SLC12A4: variants seen among roughly 807,000 people sequenced by gnomAD.
SLC12A4 encodes electroneutral potassium-chloride cotransporter 1.
In SLC12A4, 84 loss-of-function variants were observed where a neutral mutation model predicts 119.2. The observed-to-expected ratio is 0.70, with a 90% confidence interval of 0.59 to 0.85. The LOEUF is 0.85. Among genes scored for constraint, SLC12A4 ranks in the 40% least tolerant of loss-of-function variants. The pLI, the probability that SLC12A4 is intolerant of heterozygous loss-of-function variation, is 0.00. For missense variants in SLC12A4, 1,298 were observed against 1,476.3 expected (o/e 0.88, Z 1.98); for synonymous variants, 599 against 604.6 (o/e 0.99, Z 0.14).
intron 3 of SLC12A4, 37 bp downstream of exon 3, chr16:67,961,538 C>T: frequency 6.2e-7 from 1 of 1,605,682 alleles, no homozygotes; most frequent in South Asian, 1.1e-5. Flanking sequence ...TGTCTGTCTT[C>T]CCAGGTGTGG....
intron 2 of SLC12A4, 93 bp from the exon 3 acceptor site, chr16:67,961,799 C>A: frequency 6.5e-7 from 1 of 1,533,414 alleles, no homozygotes; most frequent in East Asian, 2.3e-5. Flanking sequence ...TGTTCCAAGC[C>A]CTGAGACAGG....
intron 1 of SLC12A4, chr16:67,966,745 T>C: frequency 6.4e-7 from 1 of 1,551,444 alleles, no homozygotes; most frequent in Non-Finnish European, 8.7e-7. Context: ...AGGATCAAAA[T>C]CACTCACCGG....
intron 1 of SLC12A4, chr16:67,964,041 C>A: frequency 6.4e-7 from 1 of 1,550,442 alleles, no homozygotes; most frequent in Non-Finnish European, 8.7e-7. Context: ...CCAAAGGTGG[C>A]CGGCTGGCTA....
Position 67,950,403 on chromosome 16 carries a change from C to A in SLC12A4, c.1545G>T (p.Thr515=). 3.7e-6 allele frequency: 6 copies of A among 1,614,004 alleles called. No individual in the cohort carries two copies. The highest frequency in any genetic ancestry group is 2.7e-5 in the African/African-American group (2 of 75,064). The change falls in exon 12 of 24, where the codon ACG becomes ACT. Residue 515 remains threonine, a synonymous_variant. Coordinates refer to ENST00000316341, the MANE Select transcript of SLC12A4 (RefSeq NM_005072.5). The surrounding 1 kb of genome is among the most constrained non-coding windows in gnomAD (Gnocchi z 4.3). Reference sequence around the variant, plus strand: ...TGAGGCTCTGGAGGCCAGCGCCACACGTTGAAAAGAAGGAGCCGATGACGA... The same window carrying A: ...TGAGGCTCTGGAGGCCAGCGCCACAAGTTGAAAAGAAGGAGCCGATGACGA... ...WVIVIGSFFS[T]CGAGLQSLTG... is the part of the protein sequence containing the mutation.
intron 5 of SLC12A4, 110 bp from the exon 6 acceptor site, chr16:67,954,883 G>C (rs1052049855): frequency 1.5e-6 from 2 of 1,369,450 alleles, no homozygotes; most frequent in Non-Finnish European, 1.0e-6. Flanking sequence ...TGCTTTTCCT[G>C]TTTGTGGATG....
At chr16:67,948,843 TG>T (rs543177403) in intron 13 of SLC12A4, among the ~76,000 whole-genome samples, 17 of 147,548 alleles carry the variant, frequency 1.2e-4, no homozygotes, top group African/African-American at 3.5e-4. Flanking sequence ...GGAAGGGGTG[TG>T]GGGGGGTGGA....
At chr16:67,952,488 T>C in intron 6 of SLC12A4, 63 bp from the exon 7 acceptor site, 1 of 1,595,348 alleles carries the variant, frequency 6.3e-7, no homozygotes, top group South Asian at 1.1e-5. Flanking sequence ...ACTTGTCGTT[T>C]TGGTTTTCTT....
Position 67,952,323 on chromosome 16 carries a change from T to A in SLC12A4, c.778A>T (p.Thr260Ser), listed in dbSNP as rs1289304206. The A allele has an allele frequency of 6.2e-7, 1 of 1,614,074 alleles. No homozygotes were observed. The highest frequency in any genetic ancestry group is 1.1e-5 in the South Asian group (1 of 91,074). Residue 260 changes from threonine (T) to serine (S), a missense_variant, in exon 7 of 24, where the codon ACC becomes TCC. Coordinates refer to ENST00000316341, the MANE Select transcript of SLC12A4 (RefSeq NM_005072.5). ...ACAAACACCACCAGGGTCATGAAGG[T>A]CAGGAAAATGGTCCCATACACACGC... ...NMRVYGTIFL[T>S]FMTLVVFVGV...
chr16:67,947,861 G>A, intron 14 of SLC12A4, 73 bp from the exon 15 acceptor site: 1 of 1,528,764 alleles, frequency 6.5e-7, no homozygotes, highest in Non-Finnish European at 8.8e-7. Context: ...CCATGCCCTG[G>A]TAGCCCTGTC....
rs1462159688 is a variant in SLC12A4, at chr16:67,949,967, C to G, written c.1630-49G>C. On this transcript the variant is annotated intron_variant, in intron 12 of 23. Coordinates refer to ENST00000316341, the MANE Select transcript of SLC12A4 (RefSeq NM_005072.5). This position sits in a 1 kb window ranked among gnomAD's most constrained non-coding sequence, Gnocchi z 4.6. ...GGGTCCTGTCACCCCCATTCCACAC[C>G]TTGGGCCCCAGACCCCAGCCTGGCC... is the stretch of plus-strand genomic sequence containing the variant. 1 of 1,457,246 alleles carries G rather than the reference C, an allele frequency of 6.9e-7. No homozygotes were observed. Among genetic ancestry groups the G allele is most frequent in the South Asian group, 1.1e-5 (1 of 87,076 alleles). The allele number at this position is 1,457,246 out of a possible 1,614,324, so 90.3% of individuals were successfully genotyped here.
At position 67,968,581 on chromosome 16, in the gene SLC12A4, C is replaced by T. The variant is rs761823477; in HGVS notation, c.-28G>A. On this transcript the variant is annotated 5_prime_UTR_variant, in exon 1 of 24. Coordinates refer to ENST00000316341, the MANE Select transcript of SLC12A4 (RefSeq NM_005072.5). ...TGCGGGCTCGGCCCCGCCGCACCCG[C>T]CGTCCCAGCCGCCCGCCGCTGTCCC... 2.7e-6 allele frequency: 4 copies of T among 1,477,908 alleles called. No homozygotes were observed. The South Asian group carries it at 5.1e-5, about 19-fold the overall frequency. 91.5% of individuals were successfully genotyped at this position (1,477,908 alleles called of 1,614,324 possible). A position where few individuals can be genotyped will look rare whatever the true frequency, so the allele number is the denominator to read the frequency against.
At position 67,944,082 on chromosome 16, in the gene SLC12A4, G is replaced by C. The variant is rs2058314154; in HGVS notation, c.*758C>G. 3 of 1,547,978 alleles carry C rather than the reference G, an allele frequency of 1.9e-6. No individual in the cohort carries two copies. Among genetic ancestry groups the C allele is most frequent in the Non-Finnish European group, 2.6e-6 (3 of 1,146,342 alleles). Reference sequence around the variant, plus strand: ...CAGCAGCAGCGTCACCCACTGCCATGGGGAGCCGGGCGGCCCCATTCCAGC... The same window carrying C: ...CAGCAGCAGCGTCACCCACTGCCATCGGGAGCCGGGCGGCCCCATTCCAGC... On this transcript the variant is annotated 3_prime_UTR_variant, in exon 24 of 24. Coordinates refer to ENST00000316341, the MANE Select transcript of SLC12A4 (RefSeq NM_005072.5). This position sits in a 1 kb window ranked among gnomAD's most constrained non-coding sequence, Gnocchi z 6.6.
intron 5 of SLC12A4, among the ~76,000 whole-genome samples, chr16:67,957,116 C>T (rs1246113277): frequency 2.0e-5 from 3 of 151,866 alleles, no homozygotes; most frequent in Admixed American, 1.3e-4. Flanking sequence ...CTATTCTCTG[C>T]CTCAGCCTCC....
chr16:67,946,203 T>C lies in SLC12A4; in HGVS notation c.2575A>G (p.Met859Val), dbSNP rs1047937305. 4.3e-6 allele frequency: 7 copies of C among 1,613,788 alleles called. No homozygotes were observed. Among genetic ancestry groups the C allele is most frequent in the Non-Finnish European group, 5.9e-6 (7 of 1,180,026 alleles). ...WWIVHDGGML[M>V]LLPFLLRQHK... ...TGGCGCAGCAGGAAGGGCAGAAGCA[T>C]GAGCATGCCACCATCGTGCACGATC... The change falls in exon 19 of 24, where the codon ATG becomes GTG. Residue 859 changes from methionine to valine, a missense_variant. Coordinates refer to ENST00000316341, the MANE Select transcript of SLC12A4 (RefSeq NM_005072.5).
rs776987249 is a variant in SLC12A4, at chr16:67,945,227, G to A, written c.3033-7C>T. ...CCGCACATTGGATTGGTCCCTACAC[G>A]TAGTGTAGCCAGTCACAGGTCGCCA... On this transcript the variant is annotated splice_polypyrimidine_tract_variant and splice_region_variant and intron_variant, in intron 22 of 23. Transcript: ENST00000316341. 8.0e-5 allele frequency: 125 copies of A among 1,554,190 alleles called. 1 individual carries two copies. In the East Asian group the frequency reaches 2.0e-3, roughly 24 times the overall value.
At chr16:67,953,139 AT>A (rs1187260605) in intron 6 of SLC12A4, among the ~76,000 whole-genome samples, 2 of 151,706 alleles carry the variant, frequency 1.3e-5, no homozygotes, top group Non-Finnish European at 2.9e-5. Flanking sequence ...GCTCATGCCT[AT>A]AATCCCAGCA....
chr16:67,967,695 T>C (rs557548412), intron 1 of SLC12A4, among the ~76,000 whole-genome samples: 7 of 151,770 alleles, frequency 4.6e-5, no homozygotes, highest in African/African-American at 1.7e-4. Context: ...AGTTAAAGAG[T>C]TAAGGTGCTG....
Position 67,951,033 on chromosome 16 carries a change from C to T in SLC12A4, c.1325G>A (p.Gly442Glu), listed in dbSNP as rs753983820. 5.0e-6 allele frequency: 8 copies of T among 1,613,946 alleles called. No homozygotes were observed. In the Admixed American group the frequency reaches 1.0e-4, roughly 20 times the overall value. Residue 442 changes from glycine (G) to glutamate (E), a missense_variant, in exon 10 of 24, where the codon GGG becomes GAG. By Grantham distance (98) the Gly-to-Glu change is moderately conservative. Transcript: ENST00000316341. This position sits in a 1 kb window ranked among gnomAD's most constrained non-coding sequence, Gnocchi z 5.2. ...AGACTTCTGGGCGTCACGAAGGTCC[C>T]CAGAGCGGTTTGAGCCAGCCATGAT... ...TGIMAGSNRS[G>E]DLRDAQKSIP...
At chr16:67,946,888 G>T (rs759901299) in intron 17 of SLC12A4, 49 bp downstream of exon 17, 3 of 1,584,522 alleles carry the variant, frequency 1.9e-6, no homozygotes, top group African/African-American at 2.7e-5. Flanking sequence ...GCCAGCTGCA[G>T]TCCAGACCCC....
Sources: gnomAD v4.1 joint callset for allele counts (sites outside exome capture counted in the v4.1 genomes callset) on GRCh38, gnomAD v4.1.1 for gene constraint, Gnocchi (gnomAD v3.1) non-coding constraint, MANE v1.5 for transcripts, NCBI Gene and HGNC (gene_info 2026-07-23, HGNC 2026-07-21) for gene names.